Variants in LINGO2 observed in about 807,000 individuals in gnomAD.
The protein encoded by LINGO2 is leucine rich repeat and Ig domain containing 2.
LINGO2 carries 14 observed loss-of-function variants against 30.6 expected under a neutral mutation model. That is an observed-to-expected ratio of 0.46 (90% CI 0.30 to 0.72). LINGO2 has a LOEUF of 0.72. LINGO2 is among the 30% of genes least tolerant of loss of function. The probability of loss-of-function intolerance (pLI) is 0.07; values close to 1 mark genes in which losing one functional copy is unlikely to be tolerated. For synonymous variants in LINGO2, 317 were observed against 288.5 expected (o/e 1.10, Z -1.00); for missense variants, 729 against 751.7 (o/e 0.97, Z 0.35).
intron 4 of LINGO2, among the ~76,000 whole-genome samples, chr9:28,057,072 T>C (rs1824964828): frequency 6.6e-6 from 1 of 152,108 alleles, no homozygotes; most frequent in Non-Finnish European, 1.5e-5. Flanking sequence ...GTAATGATTG[T>C]TATTCTAATT....
At chr9:28,904,854 A>T in the LINGO2 span, among the ~76,000 whole-genome samples, 1 of 152,202 alleles carries the variant, frequency 6.6e-6, no homozygotes, top group East Asian at 1.9e-4. Flanking sequence ...AATTTGTATG[A>T]TACCACAAAA....
chr9:28,672,284 T>C (rs1417385077), upstream of LINGO2, among the ~76,000 whole-genome samples: 2 of 152,198 alleles, frequency 1.3e-5, no homozygotes, highest in Non-Finnish European at 2.9e-5. Context: ...TGCAGCATCA[T>C]TGCTTTCCTG....
rs150200785 is a variant in LINGO2 at position 27,988,627 on chromosome 9, G to C, written c.-36+23728C>G. On this transcript the variant is annotated intron_variant, in intron 5 of 5. Transcript: ENST00000379992. ...GATGAGCATTTTTTCATGTCTGTCG[G>C]CTGCATAAATGTCTTCTTTTGAGTA... Among the ~76,000 whole-genome samples, 1,085 of 151,956 alleles carry C rather than the reference G, an allele frequency of 7.1e-3. 12 individuals carry two copies. The highest frequency in any genetic ancestry group is 0.024 in the African/African-American group (984 of 41,480).
intron 4 of LINGO2, among the ~76,000 whole-genome samples, chr9:28,027,133 C>A (rs868338264): frequency 6.6e-6 from 1 of 152,192 alleles, no homozygotes; most frequent in East Asian, 1.9e-4. Context: ...TATATTTTGC[C>A]TCTTGTATAA....
chr9:28,584,059 G>A (rs930050049), intron 1 of LINGO2, among the ~76,000 whole-genome samples: 1 of 151,938 alleles, frequency 6.6e-6, no homozygotes, highest in African/African-American at 2.4e-5. Context: ...CATGCTGTTG[G>A]ACTTCCCAGT....
intron 2 of LINGO2, among the ~76,000 whole-genome samples, chr9:28,439,406 G>T (rs772214659): frequency 2.6e-5 from 4 of 151,948 alleles, no homozygotes; most frequent in Non-Finnish European, 5.9e-5. Context: ...CTGTTCCCCT[G>T]CACACTGGGG....
chr9:28,280,790 G>C (rs1823294098), intron 4 of LINGO2, among the ~76,000 whole-genome samples: 1 of 152,110 alleles, frequency 6.6e-6, no homozygotes, highest in Non-Finnish European at 1.5e-5. Context: ...CCAGCATGAG[G>C]CAAGCTTCGT....
At chr9:28,216,746 A>G (rs1820781486) in intron 4 of LINGO2, among the ~76,000 whole-genome samples, 1 of 151,964 alleles carries the variant, frequency 6.6e-6, no homozygotes, top group Non-Finnish European at 1.5e-5. Flanking sequence ...TCTTAGAACT[A>G]AAATGGCTCA....
chr9:29,085,225 A>G, the LINGO2 span, among the ~76,000 whole-genome samples: 1 of 147,720 alleles, frequency 6.8e-6, no homozygotes, highest in African/African-American at 2.5e-5. Context: ...TCTAGGTTGT[A>G]GAAAGTCCCT....
chr9:28,463,595 C>T (rs1411290039), intron 2 of LINGO2, among the ~76,000 whole-genome samples: 2 of 151,870 alleles, frequency 1.3e-5, no homozygotes, highest in African/African-American at 4.8e-5. Context: ...TCTGAACTGC[C>T]ATAAAGGAAA....
At chr9:28,181,307 A>G (rs114894121) in intron 4 of LINGO2, among the ~76,000 whole-genome samples, 323 of 152,332 alleles carry the variant, frequency 2.1e-3, no homozygotes, top group African/African-American at 7.4e-3. Context: ...TTGTGTAAAA[A>G]GTTTCCTATG....
At chr9:28,583,957 T>G (rs764575683) in intron 1 of LINGO2, among the ~76,000 whole-genome samples, 8 of 152,056 alleles carry the variant, frequency 5.3e-5, no homozygotes, top group Admixed American at 1.3e-4. Context: ...AGTGGGCTCT[T>G]GATAGAAAGG....
intron 4 of LINGO2, among the ~76,000 whole-genome samples, chr9:28,020,849 T>C (rs1403630119): frequency 6.6e-6 from 1 of 152,174 alleles, no homozygotes; most frequent in Non-Finnish European, 1.5e-5. Flanking sequence ...TTCTTTATCA[T>C]TTAAACCTCC....
chr9:28,048,460 T>C (rs1012936846), intron 4 of LINGO2, among the ~76,000 whole-genome samples: 2 of 150,880 alleles, frequency 1.3e-5, no homozygotes, highest in South Asian at 4.2e-4. Context: ...AACCTGAAGA[T>C]ACCTTTAGTC....
At chr9:28,922,999 C>T in the LINGO2 span, among the ~76,000 whole-genome samples, 1 of 152,016 alleles carries the variant, frequency 6.6e-6, no homozygotes, top group African/African-American at 2.4e-5. Flanking sequence ...GATTGAAGTA[C>T]AAGGTTAAGC....
At chr9:28,796,420 C>T in the LINGO2 span, among the ~76,000 whole-genome samples, 1 of 151,944 alleles carries the variant, frequency 6.6e-6, no homozygotes, top group African/African-American at 2.4e-5. Flanking sequence ...TTTTAGGTGT[C>T]AGAATTTGAT....
At chr9:28,512,589 GTGTGTAT>G in intron 1 of LINGO2, among the ~76,000 whole-genome samples, 1 of 2,990 alleles carries the variant, frequency 3.3e-4, no homozygotes, top group Non-Finnish European at 1.1e-3. Context: ...GGATATATAT[GTGTGTAT>G]ATATATATAT....
chr9:28,734,729 C>T, the LINGO2 span, among the ~76,000 whole-genome samples: 13 of 152,172 alleles, frequency 8.5e-5, no homozygotes, highest in Admixed American at 2.0e-4. Context: ...CCTGGGTAAC[C>T]GAAAGTACTA....
chr9:28,557,633 C>T (rs1226543400), intron 1 of LINGO2, among the ~76,000 whole-genome samples: 1 of 151,676 alleles, frequency 6.6e-6, no homozygotes, highest in South Asian at 2.1e-4. Context: ...TTGACCCAGC[C>T]ATCCCATTAC....
Sources: gnomAD v4.1 joint callset for allele counts (sites outside exome capture counted in the v4.1 genomes callset) on GRCh38, gnomAD v4.1.1 for gene constraint, MANE v1.5 for transcripts, NCBI Gene and HGNC (gene_info 2026-07-23, HGNC 2026-07-21) for gene names.